Variants in RALB observed in about 807,000 individuals in gnomAD.
RALB encodes the protein RAS like proto-oncogene B, also known as ras-related protein Ral-B.
In RALB, 16 loss-of-function variants were observed where a neutral mutation model predicts 21.3. The ratio of observed to expected loss-of-function variants is 0.75; its 90% CI spans 0.51 to 1.14. The LOEUF (loss-of-function observed/expected upper bound fraction) is 1.14, where lower values mean the gene tolerates loss of function less well. Ranked by LOEUF, RALB falls within the 50% of genes most tolerant of loss-of-function variation. RALB has a pLI of 0.00. For missense variants in RALB, 161 were observed against 256.2 expected, an observed-to-expected ratio of 0.63 and a Z score of 2.54; for synonymous variants, 93 against 96.1, an observed-to-expected ratio of 0.97 and a Z score of 0.19.
At chr2:120,288,677 A>G (rs916853982) in intron 3 of RALB, among the ~76,000 whole-genome samples, 1 of 152,218 alleles carries the variant, frequency 6.6e-6, no homozygotes, top group East Asian at 1.9e-4. Context: ...TAGTACTTTC[A>G]GATAGCTGAT....
intron 1 of RALB, among the ~76,000 whole-genome samples, chr2:120,258,739 C>A (rs1056332974): frequency 6.6e-6 from 1 of 152,198 alleles, no homozygotes; most frequent in Non-Finnish European, 1.5e-5. Flanking sequence ...ATGAATTGAG[C>A]TGGGGAGAGG....
chr2:120,267,116 A>G (rs1689523748), intron 1 of RALB, among the ~76,000 whole-genome samples: 1 of 152,234 alleles, frequency 6.6e-6, no homozygotes, highest in Non-Finnish European at 1.5e-5. Context: ...ACAGACCAGA[A>G]GCAGCCTCCT....
chr2:120,280,761 T>C, intron 2 of RALB: 1 of 336,036 alleles, frequency 3.0e-6, no homozygotes, highest in African/African-American at 2.2e-5. Context: ...GAACCTCTTC[T>C]AAGCTGTCAG....
intron 1 of RALB, among the ~76,000 whole-genome samples, chr2:120,264,706 A>C (rs534276250): frequency 2.0e-5 from 3 of 152,208 alleles, no homozygotes; most frequent in African/African-American, 7.2e-5. Flanking sequence ...CCATCTCCAG[A>C]ACTTCCTCAT....
chr2:120,246,237 C>A lies in RALB; in HGVS notation c.19+6112C>A, dbSNP rs1688969206. Among the ~76,000 whole-genome samples, 4 of 152,130 alleles carry A rather than the reference C, an allele frequency of 2.6e-5. No individual in the cohort carries two copies. The South Asian group carries it at 8.3e-4, about 32-fold the overall frequency. On this transcript the variant is annotated intron_variant, in intron 1 of 3. Coordinates refer to the RALB transcript ENST00000447591. ...CATGGTGCTTTGGTGAGGGGCCAGT[C>A]CCAGTCCTGGGGTGGCCCATGGCAC...
chr2:120,259,978 G>T (rs556968068), intron 1 of RALB, among the ~76,000 whole-genome samples: 1 of 152,220 alleles, frequency 6.6e-6, no homozygotes, highest in African/African-American at 2.4e-5. Context: ...TACACCCTCC[G>T]CAGCCACTGG....
chr2:120,272,361 ATGTC>A (rs1459708603), intron 1 of RALB, among the ~76,000 whole-genome samples: 2 of 152,210 alleles, frequency 1.3e-5, no homozygotes, highest in African/African-American at 4.8e-5. Context: ...GGGAAAATGA[ATGTC>A]TGTGCTTCAT....
At chr2:120,266,325 A>G (rs1573334393) in intron 1 of RALB, among the ~76,000 whole-genome samples, 2 of 152,040 alleles carry the variant, frequency 1.3e-5, no homozygotes, top group East Asian at 1.9e-4. Flanking sequence ...GCTCACTGCA[A>G]CCTCCACCTC....
At chr2:120,265,115 C>A (rs1689469755) in intron 1 of RALB, among the ~76,000 whole-genome samples, 1 of 152,182 alleles carries the variant, frequency 6.6e-6, no homozygotes, top group Non-Finnish European at 1.5e-5. Flanking sequence ...TACAGCCACG[C>A]ATCACTTAAT....
chr2:120,277,046 C>T (rs923503448), intron 1 of RALB, among the ~76,000 whole-genome samples: 1 of 152,174 alleles, frequency 6.6e-6, no homozygotes, highest in Non-Finnish European at 1.5e-5. Flanking sequence ...AATATACTTA[C>T]TTGGGATGCT....
intron 1 of RALB, among the ~76,000 whole-genome samples, chr2:120,256,929 A>C (rs1262564547): frequency 6.6e-6 from 1 of 152,194 alleles, no homozygotes; most frequent in Non-Finnish European, 1.5e-5. Flanking sequence ...ACTGAAGTAT[A>C]CTGTAGGAGA....
intron 1 of RALB, among the ~76,000 whole-genome samples, chr2:120,276,575 C>G (rs958218875): frequency 1.8e-4 from 27 of 151,756 alleles, no homozygotes; most frequent in Non-Finnish European, 2.9e-4. Flanking sequence ...TGCACTCCAG[C>G]CTGGGTGACA....
Position 120,285,854 on chromosome 2 carries a change from G to T in RALB, c.115-20G>T. ...TCCCCTTAAGACTTTGTTAATTACCGATAATGTTTATTTCCTCAGTTTGTA... is the reference window on the plus strand; with the variant it reads ...TCCCCTTAAGACTTTGTTAATTACCTATAATGTTTATTTCCTCAGTTTGTA... On this transcript the variant is annotated intron_variant, in intron 2 of 4. Coordinates refer to ENST00000272519, the MANE Select transcript of RALB (RefSeq NM_002881.3). The T allele has an allele frequency of 6.2e-7, 1 of 1,600,230 alleles. No homozygotes were observed. The highest frequency in any genetic ancestry group is 1.1e-5 in the South Asian group (1 of 90,688).
In RALB at chr2:120,293,153, C is replaced by T. The variant is rs749934059; in HGVS notation, c.514C>T (p.Leu172=). The part of the protein sequence containing the change: ...RANVDKVFFD[L]MREIRTKKMS... ...TCCTCACCCCCAGGTGTTCTTTGAC[C>T]TAATGAGAGAAATCAGAACAAAGAA... is the stretch of plus-strand genomic sequence containing the variant. The change falls in exon 5 of 5, where the codon CTA becomes TTA. Residue 172 remains leucine, a synonymous_variant. Transcript: ENST00000272519. The T allele has an allele frequency of 2.5e-6, 4 of 1,610,858 alleles. No homozygotes were observed. In the Admixed American group the frequency reaches 6.7e-5, roughly 27 times the overall value.
intron 2 of RALB, among the ~76,000 whole-genome samples, chr2:120,282,821 G>A (rs561733495): frequency 1.3e-4 from 20 of 152,234 alleles, no homozygotes; most frequent in African/African-American, 4.1e-4. Flanking sequence ...TTTCTAAAAC[G>A]GTGCTAATAG....
intron 1 of RALB, among the ~76,000 whole-genome samples, chr2:120,273,007 G>A (rs1689703286): frequency 6.6e-6 from 1 of 152,198 alleles, no homozygotes; most frequent in Non-Finnish European, 1.5e-5. Context: ...TAAACAGTTA[G>A]AAGTTTCTTA....
In RALB at chr2:120,294,366, T is replaced by TA. The variant is rs1391243884; in HGVS notation, c.*1107dup. On this transcript the variant is annotated 3_prime_UTR_variant, in exon 5 of 5. Transcript: ENST00000272519. Reference sequence around the variant, plus strand: ...TCTGAGAATTGGCTGCTGTTTCTAATATAATTATTTTCTAAGATAGCCAGA... The same window carrying TA: ...TCTGAGAATTGGCTGCTGTTTCTAATAATAATTATTTTCTAAGATAGCCAGA... The TA allele has an allele frequency of 1.3e-5, 5 of 398,676 alleles. No individual in the cohort carries two copies. The highest frequency in any genetic ancestry group is 2.2e-5 in the Non-Finnish European group (5 of 226,022). 24.7% of individuals were successfully genotyped at this position (398,676 alleles called of 1,614,324 possible). A position where few individuals can be genotyped will look rare whatever the true frequency, so the allele number is the denominator to read the frequency against.
intron 1 of RALB, among the ~76,000 whole-genome samples, chr2:120,262,216 T>C (rs567159881): frequency 1.2e-4 from 18 of 152,260 alleles, no homozygotes; most frequent in African/African-American, 4.3e-4. Context: ...TGGGGGCTTT[T>C]GTAAGACGGA....
At chr2:120,274,385 A>G (rs369795242) in intron 1 of RALB, among the ~76,000 whole-genome samples, 16 of 152,044 alleles carry the variant, frequency 1.1e-4, no homozygotes, top group African/African-American at 3.9e-4. Flanking sequence ...AGTGGAAAGA[A>G]CGCCTGGTGT....
Sources: allele counts gnomAD v4.1 joint callset (sites outside exome capture counted in the v4.1 genomes callset), GRCh38; gene constraint gnomAD v4.1.1; transcripts MANE v1.5; gene names NCBI Gene and HGNC (gene_info 2026-07-23, HGNC 2026-07-21).